CPPED1: variants seen among roughly 807,000 people sequenced by gnomAD.
CPPED1 encodes calcineurin like phosphoesterase domain containing 1, also known as serine/threonine-protein phosphatase CPPED1.
A neutral mutation model predicts 28.0 loss-of-function variants in CPPED1; 28 were observed. The observed-to-expected ratio is 1.00, with a 90% CI of 0.74 to 1.37. The LOEUF (loss-of-function observed/expected upper bound fraction) is 1.37. CPPED1 is among the 40% of genes most tolerant of loss of function. The pLI is 0.00. For missense variants in CPPED1, 504 were observed against 416.5 expected, an observed-to-expected ratio of 1.21 and a Z score of -1.83; for synonymous variants, 198 against 180.2, an observed-to-expected ratio of 1.10 and a Z score of -0.79.
At chr16:12,792,125 G>C (rs1488827039) in intron 1 of CPPED1, among the ~76,000 whole-genome samples, 1 of 152,048 alleles carries the variant, frequency 6.6e-6, no homozygotes, top group Non-Finnish European at 1.5e-5. Context: ...CTAATGTTTT[G>C]TATTTTTAGT....
chr16:12,785,277 T>A (rs922066513), intron 1 of CPPED1, among the ~76,000 whole-genome samples: 1 of 152,052 alleles, frequency 6.6e-6, no homozygotes, highest in Non-Finnish European at 1.5e-5. Flanking sequence ...ACAGATGGGG[T>A]CTGGCTTTGT....
chr16:12,756,128 C>CAAAA lies in CPPED1; in HGVS notation c.289+25053_289+25056dup, dbSNP rs138038115. On this transcript the variant is annotated intron_variant, in intron 2 of 3. Transcript: ENST00000381774. ...CCTGGGCAACAGAGCGAAACTCCGTCAAAAAAAACAAAAAAAAATCGGAAG... is the reference window on the plus strand; with the variant it reads ...CCTGGGCAACAGAGCGAAACTCCGTCAAAAAAAAAAAACAAAAAAAAATCGGAAG... 2.0e-3 allele frequency among the ~76,000 whole-genome samples: 297 copies of CAAAA among 146,058 alleles called. 2 individuals carry two copies. The highest frequency in any genetic ancestry group is 7.3e-3 in the African/African-American group (278 of 38,196).
intron 1 of CPPED1, among the ~76,000 whole-genome samples, chr16:12,793,067 A>T (rs1424266018): frequency 6.6e-6 from 1 of 152,024 alleles, no homozygotes; most frequent in Non-Finnish European, 1.5e-5. Flanking sequence ...CACTCATTCA[A>T]GCAGGTATGT....
intron 2 of CPPED1, among the ~76,000 whole-genome samples, chr16:12,733,558 A>G (rs2080210656): frequency 6.6e-6 from 1 of 152,176 alleles, no homozygotes; most frequent in Non-Finnish European, 1.5e-5. Context: ...TACAGGTGTG[A>G]GGCACTGCAT....
At chr16:12,783,510 T>TTAAATAAA (rs148620561) in intron 1 of CPPED1, among the ~76,000 whole-genome samples, 10 of 150,940 alleles carry the variant, frequency 6.6e-5, no homozygotes, top group Admixed American at 4.6e-4. Flanking sequence ...AATAAATAAA[T>TTAAATAAA]TAAATAAATA....
At chr16:12,803,375 A>C (rs2080672339) in intron 1 of CPPED1, among the ~76,000 whole-genome samples, 1 of 152,240 alleles carries the variant, frequency 6.6e-6, no homozygotes. Context: ...TGAGGCCAAG[A>C]TGCTAATGCA....
intron 2 of CPPED1, among the ~76,000 whole-genome samples, chr16:12,774,758 T>A (rs938895): frequency 1.3e-5 from 2 of 151,932 alleles, no homozygotes; most frequent in Non-Finnish European, 2.9e-5. Context: ...GATTAATGAA[T>A]GAATGAGTTA....
intron 2 of CPPED1, among the ~76,000 whole-genome samples, chr16:12,760,164 G>T (rs1177397797): frequency 6.6e-6 from 1 of 152,208 alleles, no homozygotes; most frequent in East Asian, 1.9e-4. Context: ...ATAAAGTGAT[G>T]TGTAGCACTG....
chr16:12,672,160 T>C (rs753426244), intron 3 of CPPED1, among the ~76,000 whole-genome samples: 6 of 152,268 alleles, frequency 3.9e-5, no homozygotes, highest in Non-Finnish European at 8.8e-5. Flanking sequence ...TAACAATGCA[T>C]GACTGCAATT....
chr16:12,777,275 T>A (rs969372039), intron 2 of CPPED1, among the ~76,000 whole-genome samples: 3 of 152,234 alleles, frequency 2.0e-5, no homozygotes, highest in Admixed American at 6.5e-5. Context: ...TGAATGTATA[T>A]GTTAGTAACA....
intron 1 of CPPED1, among the ~76,000 whole-genome samples, chr16:12,785,372 C>T (rs538440426): frequency 6.6e-6 from 1 of 152,086 alleles, no homozygotes; most frequent in Admixed American, 6.6e-5. Flanking sequence ...GCCTCAGCCT[C>T]CCAAAGTGCT....
intron 2 of CPPED1, among the ~76,000 whole-genome samples, chr16:12,739,702 G>A (rs896575148): frequency 6.6e-6 from 1 of 152,180 alleles, no homozygotes; most frequent in Non-Finnish European, 1.5e-5. Context: ...CTAGTATAGA[G>A]GATGCCAAAG....
chr16:12,769,723 A>G (rs1179603562), intron 2 of CPPED1, among the ~76,000 whole-genome samples: 2 of 152,168 alleles, frequency 1.3e-5, no homozygotes, highest in East Asian at 3.9e-4. Context: ...GTTACTGCTC[A>G]GCATTCGACC....
intron 1 of CPPED1, among the ~76,000 whole-genome samples, chr16:12,783,268 C>A (rs578229470): frequency 6.6e-6 from 1 of 152,114 alleles, no homozygotes; most frequent in Non-Finnish European, 1.5e-5. Flanking sequence ...GAGGCCAAGG[C>A]GGGCAGATTA....
rs566709785 is a variant in CPPED1, at chr16:12,737,989, C to T, written c.290-32940G>A. 5.9e-5 allele frequency among the ~76,000 whole-genome samples: 9 copies of T among 152,294 alleles called. No homozygotes were observed. The East Asian group carries it at 7.7e-4, about 13-fold the overall frequency. ...TCATCATGGAAATGATAATGACTGA[C>T]GCCTTCCTGGGGATAAGTGGTTAAC... On this transcript the variant is annotated intron_variant, in intron 2 of 3. Transcript: ENST00000381774.
At chr16:12,803,466 T>C (rs557591711) in intron 1 of CPPED1, among the ~76,000 whole-genome samples, 1 of 152,326 alleles carries the variant, frequency 6.6e-6, no homozygotes, top group African/African-American at 2.4e-5. Flanking sequence ...TTCCCTTCTC[T>C]GGGGGAAGTT....
At chr16:12,767,325 G>A (rs1000866754) in intron 2 of CPPED1, among the ~76,000 whole-genome samples, 2 of 152,092 alleles carry the variant, frequency 1.3e-5, no homozygotes, top group African/African-American at 4.8e-5. Flanking sequence ...CCATCTTTTT[G>A]TTCTATTCAA....
chr16:12,715,158 T>C (rs754105806), intron 2 of CPPED1, among the ~76,000 whole-genome samples: 39 of 152,322 alleles, frequency 2.6e-4, no homozygotes, highest in South Asian at 6.2e-4. Flanking sequence ...TCTATGTTTA[T>C]CTTCATGCCA....
Position 12,704,621 on chromosome 16 carries a change from T to C in CPPED1, c.715+3A>G. 6.2e-7 allele frequency: 1 copy of C among 1,605,340 alleles called. No individual in the cohort carries two copies. The highest frequency in any genetic ancestry group is 8.5e-7 in the Non-Finnish European group (1 of 1,174,188). On this transcript the variant is annotated splice_donor_region_variant and intron_variant, in intron 3 of 3. Coordinates refer to ENST00000381774, the MANE Select transcript of CPPED1 (RefSeq NM_018340.3). ...CCTGAAACCCGTGGCCCGGGGCCTCTACCTGCGTGGATGAACTTGTCTGCC... is the reference window on the plus strand; with the variant it reads ...CCTGAAACCCGTGGCCCGGGGCCTCCACCTGCGTGGATGAACTTGTCTGCC...
Sources: allele counts gnomAD v4.1 joint callset (sites outside exome capture counted in the v4.1 genomes callset), GRCh38; gene constraint gnomAD v4.1.1; transcripts MANE v1.5; gene names NCBI Gene and HGNC (gene_info 2026-07-23, HGNC 2026-07-21).